ELOVL4: variants seen among roughly 807,000 people sequenced by gnomAD.
ELOVL4 encodes the protein ELOVL fatty acid elongase 4.
ELOVL4 carries 18 observed loss-of-function variants against 42.1 expected under a neutral mutation model. The ratio of observed to expected loss-of-function variants is 0.43; its 90% CI spans 0.30 to 0.63. The LOEUF (loss-of-function observed/expected upper bound fraction) is 0.63. Ranked by LOEUF, ELOVL4 falls within the 30% of genes least tolerant of loss-of-function variation. The pLI is 0.15. For synonymous variants in ELOVL4, 117 were observed against 127.0 expected (o/e 0.92, Z 0.53); for missense variants, 299 against 376.2 (o/e 0.79, Z 1.70).
In ELOVL4 at chr6:79,919,490, C is replaced by G; in HGVS notation, c.599G>C (p.Gly200Ala). 6.2e-7 allele frequency: 1 copy of G among 1,613,506 alleles called. No homozygotes were observed. Among genetic ancestry groups the G allele is most frequent in the South Asian group, 1.1e-5 (1 of 91,050 alleles). Reference sequence around the variant, plus strand: ...AATCCATGGGCCAAATGCAGTTAACCCATAGTATGAGTACATAATCACATG... The same window carrying G: ...AATCCATGGGCCAAATGCAGTTAACGCATAGTATGAGTACATAATCACATG... ...FIHVIMYSYYGLTAFGPWIQK... is the reference protein window; with the variant it reads ...FIHVIMYSYYALTAFGPWIQK... The change falls in exon 5 of 6, where the codon GGG (glycine) becomes GCG (alanine). Residue 200 changes from glycine (G) to alanine (A), a missense_variant. Physicochemically the swap from Gly to Ala is moderately conservative, Grantham distance 60 (BLOSUM62 0). Transcript: ENST00000369816.
chr6:79,947,089 G>C (rs1483420045), intron 1 of ELOVL4, 91 bp downstream of exon 1: 2 of 1,050,206 alleles, frequency 1.9e-6, no homozygotes, highest in Non-Finnish European at 2.9e-6. Flanking sequence ...GGGCGCGGGG[G>C]CCTGTGGGGC....
intron 5 of ELOVL4, 111 bp from the exon 6 acceptor site, chr6:79,916,994 GC>G: frequency 8.1e-7 from 1 of 1,241,116 alleles, no homozygotes; most frequent in South Asian, 1.3e-5. Context: ...GCCACACTGT[GC>G]AAAATTTATT....
chr6:79,946,493 C>T (rs1473357696), intron 1 of ELOVL4, among the ~76,000 whole-genome samples: 1 of 152,134 alleles, frequency 6.6e-6, no homozygotes, highest in Non-Finnish European at 1.5e-5. Context: ...ATTTCTTCCC[C>T]GGTGTTTTGG....
chr6:79,926,292 G>A lies in ELOVL4; in HGVS notation c.190C>T (p.Pro64Ser), dbSNP rs1301598729. ...TLYLLFVWLG[P>S]KWMKDREPFQ... The stretch of plus-strand genomic sequence containing the variant: ...GGTTCTCGGTCCTTCATCCATTTTG[G>A]ACCCAGCCACACAAACAGGAGATAA... The change falls in exon 2 of 6, where the codon CCA becomes TCA. Residue 64 changes from proline to serine, a missense_variant. Transcript: ENST00000369816. 1.2e-6 allele frequency: 2 copies of A among 1,613,768 alleles called. No homozygotes were observed. The highest frequency in any genetic ancestry group is 2.7e-5 in the African/African-American group (2 of 74,856).
At chr6:79,936,589 G>C (rs1047704139) in intron 1 of ELOVL4, among the ~76,000 whole-genome samples, 2 of 152,132 alleles carry the variant, frequency 1.3e-5, no homozygotes, top group Non-Finnish European at 2.9e-5. Flanking sequence ...CAAAACATTT[G>C]TTAAAAGAAA....
intron 1 of ELOVL4, among the ~76,000 whole-genome samples, chr6:79,946,859 C>T (rs1209234880): frequency 2.0e-5 from 3 of 152,158 alleles, no homozygotes; most frequent in Non-Finnish European, 4.4e-5. Context: ...TGTGGGAGCA[C>T]AGGGTGGGGC....
chr6:79,933,991 C>T (rs1774500680), intron 1 of ELOVL4, among the ~76,000 whole-genome samples: 1 of 152,198 alleles, frequency 6.6e-6, no homozygotes, highest in East Asian at 1.9e-4. Context: ...AGTCATGATC[C>T]ATAACAGAGT....
Position 79,920,954 on chromosome 6 carries a change from G to A in ELOVL4, c.541+671C>T, listed in dbSNP as rs1325826919. Among the ~76,000 whole-genome samples, 5 of 152,182 alleles carry A rather than the reference G, an allele frequency of 3.3e-5. No individual in the cohort carries two copies. In the Middle Eastern group the frequency reaches 0.01, roughly 311 times the overall value. ...GATTAGGGATGTTCAATCTGTATTA[G>A]GGCAGGAGTGAGCTATGGGCTAAGA... On this transcript the variant is annotated intron_variant, in intron 4 of 5. Transcript: ENST00000369816.
chr6:79,936,915 T>C (rs1774553544), intron 1 of ELOVL4, among the ~76,000 whole-genome samples: 1 of 152,210 alleles, frequency 6.6e-6, no homozygotes, highest in Non-Finnish European at 1.5e-5. Context: ...TCAGCATGAT[T>C]AGCAGGGAAA....
At chr6:79,945,657 A>C (rs1430207041) in intron 1 of ELOVL4, among the ~76,000 whole-genome samples, 1 of 152,116 alleles carries the variant, frequency 6.6e-6, no homozygotes, top group African/African-American at 2.4e-5. Context: ...AACTTGTCTG[A>C]TGTTCAGCTC....
At chr6:79,932,432 C>T (rs761091225) in intron 1 of ELOVL4, among the ~76,000 whole-genome samples, 5 of 151,832 alleles carry the variant, frequency 3.3e-5, no homozygotes, top group Non-Finnish European at 7.4e-5. Context: ...GTAATCCCAG[C>T]TACTCGGGAG....
intron 5 of ELOVL4, among the ~76,000 whole-genome samples, chr6:79,918,627 C>T (rs1249602647): frequency 6.6e-6 from 1 of 152,198 alleles, no homozygotes; most frequent in East Asian, 1.9e-4. Flanking sequence ...AAATGTGATT[C>T]CACTGATAAA....
chr6:79,931,051 G>A (rs553199187), intron 1 of ELOVL4, among the ~76,000 whole-genome samples: 86 of 152,276 alleles, frequency 5.6e-4, no homozygotes, highest in African/African-American at 2.0e-3. Context: ...TATGTTTTAT[G>A]TAGCATTCTT....
intron 1 of ELOVL4, among the ~76,000 whole-genome samples, chr6:79,941,952 G>A (rs1027573321): frequency 3.3e-5 from 5 of 152,162 alleles, no homozygotes; most frequent in African/African-American, 7.2e-5. Context: ...CAGGAAATAC[G>A]TGAGTAATTA....
At chr6:79,934,078 A>G (rs1042866696) in intron 1 of ELOVL4, among the ~76,000 whole-genome samples, 1 of 152,224 alleles carries the variant, frequency 6.6e-6, no homozygotes, top group East Asian at 1.9e-4. Context: ...CTTTTGGGAC[A>G]GCTAGGTGGA....
chr6:79,940,573 T>C (rs563019785), intron 1 of ELOVL4, among the ~76,000 whole-genome samples: 1 of 152,302 alleles, frequency 6.6e-6, no homozygotes, highest in African/African-American at 2.4e-5. Context: ...AATTTCACAT[T>C]TTCTATTGGA....
In ELOVL4 at chr6:79,917,782, T is replaced by C. The variant is rs559696622; in HGVS notation, c.670-899A>G. On this transcript the variant is annotated intron_variant, in intron 5 of 5. Transcript: ENST00000369816. ...GTTACAGTGAGCCCAGACTGCACCATTGCACTCCAACTTGGGCAACAAGAG... is the reference window on the plus strand; with the variant it reads ...GTTACAGTGAGCCCAGACTGCACCACTGCACTCCAACTTGGGCAACAAGAG... 1.9e-4 allele frequency among the ~76,000 whole-genome samples: 29 copies of C among 152,122 alleles called. 1 individual carries two copies. The highest frequency in any genetic ancestry group is 4.8e-4 in the African/African-American group (20 of 41,498).
chr6:79,927,549 ATC>A (rs1452791137), intron 1 of ELOVL4, among the ~76,000 whole-genome samples: 1 of 152,204 alleles, frequency 6.6e-6, no homozygotes, highest in African/African-American at 2.4e-5. Context: ...TAAAAAATTA[ATC>A]TGTGTCTATA....
rs150537182 is a variant in ELOVL4, at chr6:79,941,382, T to C, written c.100+5798A>G. ...CACTATACCACACTGCCCTCCTCAC[T>C]TCCACACAAGGCAATGCTTCTGCAC... On this transcript the variant is annotated intron_variant, in intron 1 of 5. Transcript: ENST00000369816. 2.6e-5 allele frequency among the ~76,000 whole-genome samples: 4 copies of C among 152,278 alleles called. No individual in the cohort carries two copies. In the South Asian group the frequency reaches 8.3e-4, roughly 32 times the overall value.
Sources: gnomAD v4.1 joint callset for allele counts (sites outside exome capture counted in the v4.1 genomes callset) on GRCh38, gnomAD v4.1.1 for gene constraint, MANE v1.5 for transcripts, NCBI Gene and HGNC (gene_info 2026-07-23, HGNC 2026-07-21) for gene names.